The following SND1 variants were observed in gnomAD, a reference collection of about 807,000 sequenced individuals.
The protein encoded by SND1 is staphylococcal nuclease and tudor domain containing 1, also known as staphylococcal nuclease domain-containing protein 1.
In SND1, 38 loss-of-function variants were observed where a neutral mutation model predicts 121.7. The observed-to-expected ratio is 0.31, with a 90% confidence interval of 0.24 to 0.41. The LOEUF (loss-of-function observed/expected upper bound fraction) is 0.41, where lower values mean the gene tolerates loss of function less well. SND1 is among the 10% of genes least tolerant of loss of function. SND1 has a pLI of 1.00. For synonymous variants in SND1, 401 were observed against 447.4 expected, an observed-to-expected ratio of 0.90 and a Z score of 1.31; for missense variants, 868 against 1,184.6, an observed-to-expected ratio of 0.73 and a Z score of 3.92.
intron 16 of SND1, among the ~76,000 whole-genome samples, chr7:128,008,755 G>A (rs1803044901): frequency 6.6e-6 from 1 of 152,202 alleles, no homozygotes; most frequent in Non-Finnish European, 1.5e-5. Context: ...CCCTGTAGCA[G>A]AGGCAGGTTA....
chr7:128,081,437 C>T lies in SND1; in HGVS notation c.2046C>T (p.Tyr682=), dbSNP rs1202769637. The T allele has an allele frequency of 6.2e-7, 1 of 1,614,104 alleles. No individual in the cohort carries two copies. The part of the protein sequence containing the change: ...VLEEKERSAS[Y]KPVFVTEITD... ...AGGAGAAGGAGCGATCTGCTAGCTA[C>T]AAGCCCGTGTTTGTGACTGAGATCA... The change falls in exon 18 of 24, where the codon TAC becomes TAT. Residue 682 remains tyrosine (Y), a synonymous_variant. Transcript: ENST00000354725.
intron 15 of SND1, among the ~76,000 whole-genome samples, chr7:127,962,344 T>A (rs529192693): frequency 6.6e-6 from 1 of 152,190 alleles, no homozygotes; most frequent in South Asian, 2.1e-4. Context: ...CAAAACCAGG[T>A]TCTTTGTATA....
intron 16 of SND1, among the ~76,000 whole-genome samples, chr7:128,051,573 C>T (rs1793046423): frequency 6.6e-6 from 1 of 152,292 alleles, no homozygotes. Flanking sequence ...TCTGCACTGC[C>T]TAAACAGCAT....
At chr7:128,053,933 A>C (rs1351161875) in intron 16 of SND1, among the ~76,000 whole-genome samples, 1 of 152,108 alleles carries the variant, frequency 6.6e-6, no homozygotes, top group Non-Finnish European at 1.5e-5. Flanking sequence ...TTGCCCACAC[A>C]CTGGAGCCGC....
chr7:128,087,178 A>G (rs896610545), intron 21 of SND1, 127 bp downstream of exon 21: 72 of 713,868 alleles, frequency 1.0e-4, no homozygotes, highest in Non-Finnish European at 1.2e-5. Context: ...TACTCAAGAG[A>G]TGGGAAGTTG....
chr7:127,875,827 A>C (rs1360227483), intron 12 of SND1, among the ~76,000 whole-genome samples: 3 of 152,108 alleles, frequency 2.0e-5, no homozygotes, highest in African/African-American at 7.2e-5. Flanking sequence ...AGATGTTTTC[A>C]GATTATAGGT....
intron 1 of SND1, among the ~76,000 whole-genome samples, chr7:127,682,630 C>T (rs895941722): frequency 2.6e-4 from 39 of 152,192 alleles, no homozygotes; most frequent in Non-Finnish European, 4.3e-4. Context: ...ACAGCTTTGG[C>T]AGACTAATTA....
At chr7:128,044,348 A>G (rs1421452570) in intron 16 of SND1, among the ~76,000 whole-genome samples, 1 of 151,960 alleles carries the variant, frequency 6.6e-6, no homozygotes, top group Non-Finnish European at 1.5e-5. Context: ...AGACTCCTAA[A>G]GAATCAGGCT....
intron 1 of SND1, among the ~76,000 whole-genome samples, chr7:127,666,197 C>T (rs806167): frequency 0.056 from 8,475 of 152,262 alleles, 683 homozygotes; most frequent in African/African-American, 0.18. Context: ...CCCTTGTATT[C>T]GGCCCCTGAA....
At position 127,685,104 on chromosome 7, in the gene SND1, G is replaced by A. The variant is rs367733992; in HGVS notation, c.79-1509G>A. On this transcript the variant is annotated intron_variant, in intron 1 of 23. Coordinates refer to ENST00000354725, the MANE Select transcript of SND1 (RefSeq NM_014390.4). The stretch of plus-strand genomic sequence containing the variant: ...GGTTCTGGCAATGTGCAGTATTTCA[G>A]TTCTTAACTTGGGTGGTGGTTGCTC... Among the ~76,000 whole-genome samples the A allele has an allele frequency of 3.9e-5, 6 of 152,234 alleles. No individual in the cohort carries two copies. The South Asian group carries it at 1.0e-3, about 26-fold the overall frequency.
intron 16 of SND1, among the ~76,000 whole-genome samples, chr7:127,996,445 G>A (rs903399203): frequency 6.6e-6 from 1 of 152,148 alleles, no homozygotes; most frequent in Non-Finnish European, 1.5e-5. Flanking sequence ...CACAAGCGCT[G>A]TGGTGTATGC....
At chr7:127,706,152 A>G (rs1042391092) in intron 8 of SND1, among the ~76,000 whole-genome samples, 2 of 151,942 alleles carry the variant, frequency 1.3e-5, no homozygotes, top group Non-Finnish European at 2.9e-5. Context: ...TTATTCTACA[A>G]TGCTCAATTT....
At chr7:127,730,577 C>T (rs1796657862) in intron 10 of SND1, among the ~76,000 whole-genome samples, 1 of 152,262 alleles carries the variant, frequency 6.6e-6, no homozygotes, top group African/African-American at 2.4e-5. Context: ...CTGCTTACCT[C>T]TGCTGTCCTG....
chr7:127,892,065 T>C (rs1447222823), intron 13 of SND1, among the ~76,000 whole-genome samples: 4 of 152,084 alleles, frequency 2.6e-5, no homozygotes, highest in Non-Finnish European at 4.4e-5. Context: ...TCGGCAGTGG[T>C]GCAGAGTGCT....
intron 16 of SND1, among the ~76,000 whole-genome samples, chr7:128,032,488 T>C (rs1045793165): frequency 1.3e-5 from 2 of 151,206 alleles, no homozygotes; most frequent in African/African-American, 4.9e-5. Context: ...TGGCCGCTGA[T>C]AGGCTGGAGC....
chr7:128,011,662 G>A (rs1803120015), intron 16 of SND1, among the ~76,000 whole-genome samples: 1 of 152,142 alleles, frequency 6.6e-6, no homozygotes, highest in African/African-American at 2.4e-5. Context: ...AAAGATTCTG[G>A]CTTCATCAAG....
intron 1 of SND1, among the ~76,000 whole-genome samples, chr7:127,678,666 T>A (rs973666206): frequency 6.6e-6 from 1 of 152,158 alleles, no homozygotes; most frequent in Admixed American, 6.5e-5. Context: ...ACCACACAGC[T>A]TATGTTGTTT....
At chr7:127,819,000 T>G (rs1264680497) in intron 11 of SND1, among the ~76,000 whole-genome samples, 2 of 152,192 alleles carry the variant, frequency 1.3e-5, no homozygotes, top group African/African-American at 4.8e-5. Flanking sequence ...AAAATCATAA[T>G]TTGATGGTCT....
intron 17 of SND1, 66 bp from the exon 18 acceptor site, chr7:128,081,294 C>G (rs1199303008): frequency 7.5e-6 from 12 of 1,595,334 alleles, no homozygotes; most frequent in Non-Finnish European, 1.0e-5. Context: ...CCACGCCTGG[C>G]CTCCCAGTGT....
Sources: gnomAD v4.1 joint callset for allele counts (sites outside exome capture counted in the v4.1 genomes callset) on GRCh38, gnomAD v4.1.1 for gene constraint, MANE v1.5 for transcripts, NCBI Gene and HGNC (gene_info 2026-07-23, HGNC 2026-07-21) for gene names.